Variants in AGBL1 observed in about 807,000 individuals in gnomAD.
AGBL1 encodes AGBL carboxypeptidase 1, also known as cytosolic carboxypeptidase 4.
In AGBL1, 130 loss-of-function variants were observed where a neutral mutation model predicts 118.9. That is an observed-to-expected ratio of 1.09 (90% confidence interval 0.95 to 1.26). AGBL1 has a LOEUF of 1.26. Ranked by LOEUF, AGBL1 falls within the 50% of genes most tolerant of loss-of-function variation. The pLI is 0.00. For synonymous variants in AGBL1, 555 were observed against 478.9 expected (o/e 1.16, Z -2.08); for missense variants, 1,584 against 1,298.1 (o/e 1.22, Z -3.38).
intron 15 of AGBL1, among the ~76,000 whole-genome samples, chr15:86,271,993 T>C (rs765588972): frequency 6.6e-6 from 1 of 152,212 alleles, no homozygotes; most frequent in African/African-American, 2.4e-5. Context: ...GTCATAGAGA[T>C]TCTACCTGTG....
At chr15:86,561,822 T>G (rs1207896159) in intron 21 of AGBL1, among the ~76,000 whole-genome samples, 7 of 152,212 alleles carry the variant, frequency 4.6e-5, no homozygotes, top group Non-Finnish European at 7.3e-5. Flanking sequence ...TATCCTCTTT[T>G]ATTTCATTGA....
Position 86,631,659 on chromosome 15 carries a change from A to G in AGBL1, c.2995-42614A>G, listed in dbSNP as rs2142437358. On this transcript the variant is annotated intron_variant, in intron 21 of 22. Coordinates refer to ENST00000614907, the MANE Select transcript of AGBL1 (RefSeq NM_001386094.1). Reference sequence around the variant, plus strand: ...CTAATGGAACCTCCTGGAAGGATGAACACACTCCCTGATGGGAGGTGTGGT... The same window carrying G: ...CTAATGGAACCTCCTGGAAGGATGAGCACACTCCCTGATGGGAGGTGTGGT... 1.3e-5 allele frequency among the ~76,000 whole-genome samples: 2 copies of G among 152,286 alleles called. 1 individual carries two copies. Among genetic ancestry groups the G allele is most frequent in the South Asian group, 4.1e-4 (2 of 4,828 alleles).
chr15:86,879,743 G>A (rs1422451566), intron 22 of AGBL1, among the ~76,000 whole-genome samples: 8 of 152,174 alleles, frequency 5.3e-5, no homozygotes, highest in Admixed American at 3.3e-4. Flanking sequence ...GGATGCTCAC[G>A]AAACGGCTCT....
chr15:86,733,904 A>G (rs980435269), intron 22 of AGBL1, among the ~76,000 whole-genome samples: 10 of 152,086 alleles, frequency 6.6e-5, no homozygotes, highest in Non-Finnish European at 1.3e-4. Context: ...GCCTTCATAC[A>G]CTTACTGCTG....
intron 17 of AGBL1, among the ~76,000 whole-genome samples, chr15:86,313,929 T>A (rs1490654726): frequency 6.6e-6 from 1 of 152,144 alleles, no homozygotes; most frequent in Non-Finnish European, 1.5e-5. Flanking sequence ...GAGCTGAGGC[T>A]CAAATAATTA....
chr15:86,754,395 G>T (rs1292954820), intron 22 of AGBL1, among the ~76,000 whole-genome samples: 1 of 152,068 alleles, frequency 6.6e-6, no homozygotes, highest in Admixed American at 6.6e-5. Context: ...AAACAATATT[G>T]ATTGATTAAT....
At chr15:86,254,299 GGA>G (rs2078861221) in intron 7 of AGBL1, among the ~76,000 whole-genome samples, 1 of 152,166 alleles carries the variant, frequency 6.6e-6, no homozygotes, top group Admixed American at 6.5e-5. Flanking sequence ...CACAACATTA[GGA>G]GAGAGGTTGT....
At chr15:86,713,213 A>T (rs2086587764) in intron 22 of AGBL1, among the ~76,000 whole-genome samples, 1 of 152,172 alleles carries the variant, frequency 6.6e-6, no homozygotes. Flanking sequence ...TTAATTATGA[A>T]AGAGTTTGGG....
intron 24 of AGBL1, among the ~76,000 whole-genome samples, chr15:87,011,231 G>A (rs1489934174): frequency 4.6e-5 from 7 of 152,152 alleles, no homozygotes; most frequent in Non-Finnish European, 8.8e-5. Flanking sequence ...TGTATTGAAG[G>A]AGACTACCAC....
At chr15:86,710,101 A>G (rs1249266126) in intron 22 of AGBL1, among the ~76,000 whole-genome samples, 1 of 152,202 alleles carries the variant, frequency 6.6e-6, no homozygotes, top group East Asian at 1.9e-4. Context: ...CAAAGGTACT[A>G]AATAGAAGGA....
At chr15:86,950,153 A>G (rs1036266555) in intron 23 of AGBL1, among the ~76,000 whole-genome samples, 2 of 151,984 alleles carry the variant, frequency 1.3e-5, no homozygotes, top group African/African-American at 4.8e-5. Flanking sequence ...AAATTACCTA[A>G]AGGAAAGATA....
At chr15:87,027,740 A>G (rs1433657174) in intron 24 of AGBL1, among the ~76,000 whole-genome samples, 1 of 151,956 alleles carries the variant, frequency 6.6e-6, no homozygotes, top group Non-Finnish European at 1.5e-5. Flanking sequence ...CAGAGACACA[A>G]ATGGAGTTGG....
chr15:86,257,983 C>T lies in AGBL1; in HGVS notation c.921C>T (p.Gly307=), dbSNP rs767325824. The T allele has an allele frequency of 2.5e-5, 40 of 1,613,410 alleles. No homozygotes were observed. The highest frequency in any genetic ancestry group is 2.0e-4 in the East Asian group (9 of 44,850). Residue 307 remains glycine, a synonymous_variant, in exon 9 of 23, where the codon GGC becomes GGT. Transcript: ENST00000614907. ...ATCCAGAGGATTTTGAAGATGATGG[C>T]GATGATGAAGTGGACAAAGACTCTG... ...DLPEEDFEDD[G]DDEVDKDSDT... is the part of the protein sequence containing the mutation.
intron 21 of AGBL1, among the ~76,000 whole-genome samples, chr15:86,640,936 AGTTTT>A (rs1158111239): frequency 6.1e-5 from 9 of 147,946 alleles, no homozygotes; most frequent in African/African-American, 2.2e-4. Flanking sequence ...ATTCACACTT[AGTTTT>A]GTTTTTATTT....
At chr15:86,324,756 A>T (rs889898011) in intron 17 of AGBL1, among the ~76,000 whole-genome samples, 11 of 152,230 alleles carry the variant, frequency 7.2e-5, no homozygotes, top group Admixed American at 5.2e-4. Flanking sequence ...ATCATTTAGA[A>T]CAGGATGGCC....
At chr15:86,170,647 C>A (rs2077400916) in intron 5 of AGBL1, among the ~76,000 whole-genome samples, 1 of 151,850 alleles carries the variant, frequency 6.6e-6, no homozygotes, top group South Asian at 2.1e-4. Context: ...GAGTTCGAGA[C>A]CACCCTGGGC....
intron 24 of AGBL1, among the ~76,000 whole-genome samples, chr15:86,996,616 G>C (rs2081382902): frequency 1.3e-5 from 2 of 152,016 alleles, no homozygotes; most frequent in Admixed American, 6.6e-5. Context: ...CATATACCTA[G>C]CATATACCTA....
intron 24 of AGBL1, among the ~76,000 whole-genome samples, chr15:87,005,673 G>A (rs981891053): frequency 3.3e-5 from 5 of 152,144 alleles, no homozygotes; most frequent in Non-Finnish European, 5.9e-5. Flanking sequence ...ATCATCTGAA[G>A]CCTTCTTTTC....
At chr15:86,591,358 C>T (rs1377398870) in intron 21 of AGBL1, among the ~76,000 whole-genome samples, 1 of 152,162 alleles carries the variant, frequency 6.6e-6, no homozygotes, top group African/African-American at 2.4e-5. Context: ...TGCTATCTAC[C>T]TACAGATAGT....
Sources: gnomAD v4.1 joint callset for allele counts (sites outside exome capture counted in the v4.1 genomes callset) on GRCh38, gnomAD v4.1.1 for gene constraint, MANE v1.5 for transcripts, NCBI Gene and HGNC (gene_info 2026-07-23, HGNC 2026-07-21) for gene names.